GSAP: variants seen among roughly 807,000 people sequenced by gnomAD.
GSAP encodes gamma-secretase-activating protein.
In GSAP, 118 loss-of-function variants were observed where a neutral mutation model predicts 131.7. The ratio of observed to expected loss-of-function variants is 0.90; its 90% CI spans 0.77 to 1.04. The LOEUF (loss-of-function observed/expected upper bound fraction) is 1.04, where lower values mean the gene tolerates loss of function less well. GSAP is among the 50% of genes least tolerant of loss of function. The pLI is 0.00. For missense variants in GSAP, 1,019 were observed against 1,013.2 expected (o/e 1.01, Z -0.08); for synonymous variants, 381 against 363.4 (o/e 1.05, Z -0.55).
intron 19 of GSAP, among the ~76,000 whole-genome samples, chr7:77,335,275 C>T (rs1789815201): frequency 1.3e-5 from 2 of 151,972 alleles, no homozygotes. Context: ...GTGGTGTGTG[C>T]CTGTAGGCCC....
intron 14 of GSAP, 22 bp downstream of exon 14, chr7:77,360,802 G>A (rs781143617): frequency 1.1e-5 from 14 of 1,264,828 alleles, no homozygotes; most frequent in Middle Eastern, 1.9e-4. Flanking sequence ...AGAGCAGGGG[G>A]TGTGATCTCT....
At chr7:77,319,905 A>G (rs1323691417) in intron 26 of GSAP, among the ~76,000 whole-genome samples, 2 of 152,236 alleles carry the variant, frequency 1.3e-5, no homozygotes, top group Non-Finnish European at 2.9e-5. Flanking sequence ...TTGCTGTTCA[A>G]TGGGTATAAA....
At chr7:77,379,250 G>A (rs952738575) in intron 8 of GSAP, among the ~76,000 whole-genome samples, 1 of 151,890 alleles carries the variant, frequency 6.6e-6, no homozygotes, top group Non-Finnish European at 1.5e-5. Context: ...TCTCTAGATC[G>A]AGTCACCTCA....
chr7:77,352,993 CTT>C lies in GSAP; in HGVS notation c.1440_1441del (p.Ser481Ter). On this transcript the variant is annotated frameshift_variant, in exon 18 of 31. Coordinates refer to ENST00000257626, the MANE Select transcript of GSAP (RefSeq NM_017439.4). LOFTEE classifies it high-confidence loss of function. ...ATGTGGCAATAGTTTGTCCATGTTA[CTT>C]GTCTCTGAATATACACTCCAGTATG... 1 of 1,607,732 alleles carries C rather than the reference CTT, an allele frequency of 6.2e-7. No homozygotes were observed. The highest frequency in any genetic ancestry group is 8.5e-7 in the Non-Finnish European group (1 of 1,174,336).
Position 77,311,306 on chromosome 7 carries a change from G to T in GSAP, c.*52C>A. The T allele has an allele frequency of 2.0e-6, 2 of 1,010,596 alleles. No homozygotes were observed. The highest frequency in any genetic ancestry group is 1.6e-5 in the African/African-American group (1 of 63,322). The allele number at this position is 1,010,596 out of a possible 1,614,324, so 62.6% of individuals were successfully genotyped here. ...GTTAAAGAATTCTCAAAGGAGTAAG[G>T]TTAATGAGCAAGATTAAAATGGCAG... On this transcript the variant is annotated 3_prime_UTR_variant, in exon 31 of 31. Transcript: ENST00000257626.
chr7:77,313,224 T>C (rs1260981002), intron 28 of GSAP, among the ~76,000 whole-genome samples: 1 of 152,200 alleles, frequency 6.6e-6, no homozygotes, highest in Non-Finnish European at 1.5e-5. Context: ...AATATTAGTG[T>C]GGTTTCCTAA....
intron 1 of GSAP, among the ~76,000 whole-genome samples, chr7:77,414,354 T>C (rs978223334): frequency 6.6e-6 from 1 of 152,254 alleles, no homozygotes; most frequent in African/African-American, 2.4e-5. Flanking sequence ...CTGCCACTGC[T>C]ATAAATTACA....
intron 21 of GSAP, 54 bp downstream of exon 21, chr7:77,329,279 G>GTA (rs1368006103): frequency 1.0e-6 from 1 of 982,954 alleles, no homozygotes; most frequent in Non-Finnish European, 1.5e-6. Context: ...ACAAAACAAA[G>GTA]TAATTGTAAA....
intron 14 of GSAP, among the ~76,000 whole-genome samples, chr7:77,359,645 G>A (rs548268127): frequency 6.6e-6 from 1 of 152,276 alleles, no homozygotes; most frequent in East Asian, 1.9e-4. Flanking sequence ...AAGAAGGAAA[G>A]ACAACATGTT....
At chr7:77,410,691 A>T (rs1803107736) in intron 1 of GSAP, among the ~76,000 whole-genome samples, 1 of 152,226 alleles carries the variant, frequency 6.6e-6, no homozygotes, top group Non-Finnish European at 1.5e-5. Flanking sequence ...TGTCAAACAA[A>T]AGTGATTTCA....
Position 77,326,221 on chromosome 7 carries a change from GAGC to G in GSAP, c.1815_1817del (p.Leu606del). On this transcript the variant is annotated inframe_deletion, in exon 23 of 31. Coordinates refer to ENST00000257626, the MANE Select transcript of GSAP (RefSeq NM_017439.4). ...CCCACGTACCACTTACCAGCCCCATGAGCAGCCGCTGGTGGCTGTCTTCCTCCT... is the reference window on the plus strand; with the variant it reads ...CCCACGTACCACTTACCAGCCCCATGAGCCGCTGGTGGCTGTCTTCCTCCT... The G allele has an allele frequency of 6.2e-7, 1 of 1,611,958 alleles. No individual in the cohort carries two copies.
chr7:77,382,327 T>C (rs1473289053), intron 7 of GSAP, among the ~76,000 whole-genome samples: 5 of 152,036 alleles, frequency 3.3e-5, no homozygotes, highest in South Asian at 2.1e-4. Flanking sequence ...TGGGACAAAA[T>C]TGCAGATCCA....
intron 5 of GSAP, 89 bp downstream of exon 5, chr7:77,396,893 G>C (rs1800487065): frequency 7.4e-6 from 5 of 677,078 alleles, no homozygotes; most frequent in Non-Finnish European, 1.3e-5. Context: ...TATTTCTAAA[G>C]ATGCTTGAAA....
intron 3 of GSAP, among the ~76,000 whole-genome samples, chr7:77,403,839 A>G (rs554548240): frequency 3.0e-4 from 46 of 152,368 alleles, no homozygotes; most frequent in Non-Finnish European, 5.1e-4. Flanking sequence ...TTAGGATAAC[A>G]GGACCAAGAG....
chr7:77,317,383 TG>T (rs1423134746), intron 26 of GSAP, among the ~76,000 whole-genome samples: 2 of 51,524 alleles, frequency 3.9e-5, no homozygotes, highest in Admixed American at 2.3e-4. Context: ...GTCGTGGGGT[TG>T]GGGGCTGGGG....
At chr7:77,391,947 G>A (rs190166628) in intron 5 of GSAP, among the ~76,000 whole-genome samples, 6 of 152,208 alleles carry the variant, frequency 3.9e-5, no homozygotes, top group Admixed American at 2.0e-4. Flanking sequence ...TTTGATGGCC[G>A]GGAGTGGTGG....
intron 8 of GSAP, among the ~76,000 whole-genome samples, chr7:77,379,576 CCTCT>C (rs923275900): frequency 5.3e-5 from 8 of 151,760 alleles, no homozygotes; most frequent in Non-Finnish European, 7.4e-5. Flanking sequence ...TGTCTGTCTG[CCTCT>C]CTCTCTCTTT....
At chr7:77,405,467 A>G (rs1802099026) in intron 2 of GSAP, among the ~76,000 whole-genome samples, 1 of 152,184 alleles carries the variant, frequency 6.6e-6, no homozygotes, top group Admixed American at 6.5e-5. Context: ...CATTGATTCA[A>G]AATTTGAGTA....
chr7:77,313,487 C>T lies in GSAP; in HGVS notation c.2271+1G>A, dbSNP rs779322874. The stretch of plus-strand genomic sequence containing the variant: ...GAAAATAAAATGTAACTCAGTATTA[C>T]CGGAGGAAGCCGCACAATGATACTG... On this transcript the variant is annotated splice_donor_variant, in intron 28 of 30. Transcript: ENST00000257626. LOFTEE classifies it high-confidence loss of function. The T allele has an allele frequency of 7.9e-6, 12 of 1,511,248 alleles. No individual in the cohort carries two copies. Among genetic ancestry groups the T allele is most frequent in the Non-Finnish European group, 1.1e-5 (12 of 1,088,354 alleles). 93.6% of individuals were successfully genotyped at this position (1,511,248 alleles called of 1,614,324 possible). A position where few individuals can be genotyped will look rare whatever the true frequency, so the allele number is the denominator to read the frequency against.
Sources: allele counts gnomAD v4.1 joint callset (sites outside exome capture counted in the v4.1 genomes callset), GRCh38; gene constraint gnomAD v4.1.1; transcripts MANE v1.5; gene names NCBI Gene and HGNC (gene_info 2026-07-23, HGNC 2026-07-21).